The following PRKG1 variants were observed in gnomAD, a reference collection of about 807,000 sequenced individuals.
PRKG1 encodes protein kinase cGMP-dependent 1.
A neutral mutation model predicts 88.1 loss-of-function variants in PRKG1; 35 were observed. The observed-to-expected ratio is 0.40, with a 90% CI of 0.30 to 0.53. The LOEUF is 0.53. Ranked by LOEUF, PRKG1 falls within the 20% of genes least tolerant of loss-of-function variation. PRKG1 has a pLI of 0.59. For synonymous variants in PRKG1, 303 were observed against 292.5 expected, an observed-to-expected ratio of 1.04 and a Z score of -0.37; for missense variants, 540 against 839.8, an observed-to-expected ratio of 0.64 and a Z score of 4.41.
intron 2 of PRKG1, among the ~76,000 whole-genome samples, chr10:51,460,278 A>G (rs775784321): frequency 6.6e-6 from 1 of 152,144 alleles, no homozygotes; most frequent in Non-Finnish European, 1.5e-5. Flanking sequence ...AATAAAAATC[A>G]CATTAAGACT....
chr10:51,434,731 G>C (rs1464553471), intron 2 of PRKG1, among the ~76,000 whole-genome samples: 1 of 151,990 alleles, frequency 6.6e-6, no homozygotes, highest in Non-Finnish European at 1.5e-5. Context: ...CAGATTTATG[G>C]TTTCCATGTA....
In PRKG1 at chr10:52,005,937, A is replaced by G. The variant is rs145068739; in HGVS notation, c.763-48547A>G. Among the ~76,000 whole-genome samples the G allele has an allele frequency of 2.0e-4, 30 of 152,264 alleles. No individual in the cohort carries two copies. In the East Asian group the frequency reaches 4.4e-3, roughly 23 times the overall value. Reference sequence around the variant, plus strand: ...CTGCCTGAGGAGGCCCTTGGACCACAACACCGAGAAGAAGAACTGAAGCAT... The same window carrying G: ...CTGCCTGAGGAGGCCCTTGGACCACGACACCGAGAAGAAGAACTGAAGCAT... On this transcript the variant is annotated intron_variant, in intron 5 of 17. Coordinates refer to ENST00000373980, the MANE Select transcript of PRKG1 (RefSeq NM_006258.4).
At chr10:52,018,708 G>A (rs1390647558) in intron 5 of PRKG1, among the ~76,000 whole-genome samples, 1 of 152,166 alleles carries the variant, frequency 6.6e-6, no homozygotes, top group Non-Finnish European at 1.5e-5. Context: ...GTACCGAGCA[G>A]AGTAAAACAG....
intron 7 of PRKG1, among the ~76,000 whole-genome samples, chr10:52,073,424 T>G (rs1226904636): frequency 6.6e-6 from 1 of 152,226 alleles, no homozygotes; most frequent in Non-Finnish European, 1.5e-5. Context: ...CTCCCTGTTG[T>G]GAGAGCTGCT....
chr10:51,565,775 A>G (rs1267661454), intron 3 of PRKG1, among the ~76,000 whole-genome samples: 2 of 151,520 alleles, frequency 1.3e-5, no homozygotes, highest in Non-Finnish European at 2.9e-5. Context: ...GCTTCTGGTT[A>G]AATGTGAAGA....
chr10:51,514,947 G>A (rs1841533946), intron 3 of PRKG1, among the ~76,000 whole-genome samples: 1 of 152,112 alleles, frequency 6.6e-6, no homozygotes, highest in African/African-American at 2.4e-5. Context: ...GCTGTCCTGT[G>A]CATTGTGGGA....
chr10:51,958,546 C>CTT (rs754914836), intron 5 of PRKG1, among the ~76,000 whole-genome samples: 23,594 of 92,296 alleles, frequency 0.26, 3,019 homozygotes, highest in East Asian at 0.64. Context: ...ATTGTTGTTC[C>CTT]TTTTTTTTTT....
intron 2 of PRKG1, among the ~76,000 whole-genome samples, chr10:51,291,756 A>G (rs933111381): frequency 1.4e-4 from 21 of 152,342 alleles, no homozygotes; most frequent in Middle Eastern, 3.4e-3. Flanking sequence ...GCTTCTTAGT[A>G]GCTCATAACA....
At chr10:51,706,316 C>T (rs984959579) in intron 3 of PRKG1, among the ~76,000 whole-genome samples, 1 of 152,170 alleles carries the variant, frequency 6.6e-6, no homozygotes, top group African/African-American at 2.4e-5. Flanking sequence ...AATGCTCCAC[C>T]TGCGCTGGCC....
chr10:51,890,443 C>T (rs1017948252), intron 4 of PRKG1, among the ~76,000 whole-genome samples: 3 of 152,112 alleles, frequency 2.0e-5, no homozygotes, highest in African/African-American at 7.2e-5. Context: ...AAATCTCTTA[C>T]AAGATATTCA....
At chr10:51,687,336 T>C (rs1265678637) in intron 3 of PRKG1, among the ~76,000 whole-genome samples, 4 of 152,214 alleles carry the variant, frequency 2.6e-5, no homozygotes, top group Non-Finnish European at 5.9e-5. Context: ...TTTGAACTAT[T>C]CTTGTTATAC....
intron 5 of PRKG1, among the ~76,000 whole-genome samples, chr10:52,003,218 A>T (rs1169879310): frequency 6.6e-6 from 1 of 152,222 alleles, no homozygotes; most frequent in Non-Finnish European, 1.5e-5. Flanking sequence ...TGGTGCCCTT[A>T]AGAAAGTGAA....
At position 52,099,168 on chromosome 10, in the gene PRKG1, G is replaced by T. The variant is rs117979616; in HGVS notation, c.936-34672G>T. ...CGCAGTTACACAGAATACTTTCAAA[G>T]ATAATCTGTTTGTAAAATTACAGTG... On this transcript the variant is annotated intron_variant, in intron 7 of 17. Transcript: ENST00000373980. Among the ~76,000 whole-genome samples, 555 of 150,072 alleles carry T rather than the reference G, an allele frequency of 3.7e-3. 4 individuals are homozygous for T. Among genetic ancestry groups the T allele is most frequent in the Non-Finnish European group, 4.7e-3 (320 of 67,714 alleles).
intron 5 of PRKG1, among the ~76,000 whole-genome samples, chr10:51,932,227 A>G (rs1284288193): frequency 6.9e-6 from 1 of 145,822 alleles, no homozygotes; most frequent in Non-Finnish European, 1.5e-5. Flanking sequence ...GGACATTTTT[A>G]TTCTTTAACT....
chr10:51,278,503 T>C (rs1456972229), intron 2 of PRKG1, among the ~76,000 whole-genome samples: 1 of 152,214 alleles, frequency 6.6e-6, no homozygotes, highest in Non-Finnish European at 1.5e-5. Flanking sequence ...CTTTTTCTAT[T>C]GATTAGAATA....
chr10:52,068,200 C>T (rs1421941202), intron 7 of PRKG1, among the ~76,000 whole-genome samples: 2 of 39,928 alleles, frequency 5.0e-5, no homozygotes, highest in African/African-American at 1.4e-4. Context: ...GAAACTCCGT[C>T]TCAAAAAAAA....
chr10:51,970,059 T>G (rs1843672370), intron 5 of PRKG1, among the ~76,000 whole-genome samples: 1 of 141,996 alleles, frequency 7.0e-6, no homozygotes. Flanking sequence ...CACCCATATT[T>G]ATTTATATAT....
At chr10:51,845,387 T>C (rs1840372122) in intron 4 of PRKG1, among the ~76,000 whole-genome samples, 1 of 152,184 alleles carries the variant, frequency 6.6e-6, no homozygotes, top group Non-Finnish European at 1.5e-5. Flanking sequence ...TATTATATTT[T>C]GTGCTTCAAA....
At chr10:51,061,713 G>A (rs1843694775) in intron 1 of PRKG1, among the ~76,000 whole-genome samples, 1 of 151,942 alleles carries the variant, frequency 6.6e-6, no homozygotes, top group Non-Finnish European at 1.5e-5. Context: ...TTATCTTCCA[G>A]TTTACTAATT....
Sources: gnomAD v4.1 joint callset for allele counts (sites outside exome capture counted in the v4.1 genomes callset) on GRCh38, gnomAD v4.1.1 for gene constraint, MANE v1.5 for transcripts, NCBI Gene and HGNC (gene_info 2026-07-23, HGNC 2026-07-21) for gene names.